The following SEMA6D variants were observed in gnomAD, a reference collection of about 807,000 sequenced individuals.
SEMA6D encodes semaphorin 6D.
SEMA6D carries 35 observed loss-of-function variants against 106.6 expected under a neutral mutation model. The ratio of observed to expected loss-of-function variants is 0.33; its 90% CI spans 0.25 to 0.44. SEMA6D has a LOEUF of 0.44. SEMA6D is among the 20% of genes least tolerant of loss of function. The probability of loss-of-function intolerance (pLI) is 1.00; values close to 1 mark genes in which losing one functional copy is unlikely to be tolerated. For missense variants in SEMA6D, 1,185 were observed against 1,345.9 expected (o/e 0.88, Z 1.87); for synonymous variants, 499 against 487.7 (o/e 1.02, Z -0.31).
At chr15:47,289,393 C>CAAAAAAAAAAA (rs746946975) in intron 1 of SEMA6D, among the ~76,000 whole-genome samples, 1 of 46,556 alleles carries the variant, frequency 2.1e-5, no homozygotes, top group East Asian at 5.7e-4. Flanking sequence ...AACTCCATCT[C>CAAAAAAAAAAA]AAAAAAAAAA....
At chr15:47,343,725 G>A (rs1294113339) in intron 1 of SEMA6D, among the ~76,000 whole-genome samples, 7 of 152,180 alleles carry the variant, frequency 4.6e-5, no homozygotes, top group Admixed American at 6.5e-5. Context: ...ATACGTGTGT[G>A]TGTGTCTTTA....
At chr15:47,688,205 A>G (rs560209425) in intron 4 of SEMA6D, among the ~76,000 whole-genome samples, 21 of 152,326 alleles carry the variant, frequency 1.4e-4, no homozygotes, top group African/African-American at 4.8e-4. Context: ...GTGTTAACCC[A>G]GAATGTATTT....
In SEMA6D at chr15:47,770,742, G is replaced by A. The variant is rs747172273; in HGVS notation, c.2179G>A (p.Glu727Lys). 1 of 1,614,108 alleles carries A rather than the reference G, an allele frequency of 6.2e-7. No homozygotes were observed. The highest frequency in any genetic ancestry group is 1.1e-5 in the South Asian group (1 of 91,080). The change falls in exon 19 of 19, where the codon GAA (glutamate) becomes AAA (lysine). Residue 727 changes from glutamate to lysine, a missense_variant. Transcript: ENST00000536845. Reference sequence around the variant, plus strand: ...TGGTCTCTTTGACAGCCCTGTCAAGGAATACCAACAGAATATTGATTCTCC... The same window carrying A: ...TGGTCTCTTTGACAGCCCTGTCAAGAAATACCAACAGAATATTGATTCTCC... ...LNGLFDSPVK[E>K]YQQNIDSPKL...
At chr15:47,386,812 T>A (rs2039854770) in intron 1 of SEMA6D, among the ~76,000 whole-genome samples, 1 of 152,224 alleles carries the variant, frequency 6.6e-6, no homozygotes, top group Admixed American at 6.5e-5. Flanking sequence ...GGGGCTAGAA[T>A]GGGTTGTTTT....
intron 1 of SEMA6D, among the ~76,000 whole-genome samples, chr15:47,207,527 A>T (rs1199831838): frequency 6.6e-6 from 1 of 152,204 alleles, no homozygotes; most frequent in Non-Finnish European, 1.5e-5. Flanking sequence ...TTTATGAATC[A>T]GGCACAAGTC....
At chr15:47,424,803 T>C (rs930719367) in intron 2 of SEMA6D, among the ~76,000 whole-genome samples, 2 of 152,134 alleles carry the variant, frequency 1.3e-5, no homozygotes, top group Non-Finnish European at 2.9e-5. Context: ...AGCAAAAGCA[T>C]ACAAATTGAT....
intron 1 of SEMA6D, among the ~76,000 whole-genome samples, chr15:47,291,988 A>G (rs779634590): frequency 1.3e-5 from 2 of 152,220 alleles, no homozygotes; most frequent in Non-Finnish European, 2.9e-5. Context: ...TCTCATGTAT[A>G]TGCACATATG....
intron 1 of SEMA6D, among the ~76,000 whole-genome samples, chr15:47,725,246 A>G (rs2079668215): frequency 1.3e-5 from 2 of 152,306 alleles, no homozygotes; most frequent in Non-Finnish European, 2.9e-5. Flanking sequence ...ACTGTAAGCT[A>G]GCAGAGGGAG....
At chr15:47,205,520 T>G (rs143068982) in intron 1 of SEMA6D, among the ~76,000 whole-genome samples, 1 of 152,246 alleles carries the variant, frequency 6.6e-6, no homozygotes, top group African/African-American at 2.4e-5. Context: ...GCCAGACACA[T>G]CAATGTCACT....
At chr15:47,708,421 C>T (rs573546252) in intron 4 of SEMA6D, among the ~76,000 whole-genome samples, 1 of 152,290 alleles carries the variant, frequency 6.6e-6, no homozygotes, top group Admixed American at 6.5e-5. Context: ...TCCAGTGTGA[C>T]TCAGCTTATA....
intron 3 of SEMA6D, among the ~76,000 whole-genome samples, chr15:47,499,319 T>G (rs2043771762): frequency 6.6e-6 from 1 of 152,122 alleles, no homozygotes; most frequent in Non-Finnish European, 1.5e-5. Flanking sequence ...CAGGCTCATT[T>G]AACCAACCTC....
chr15:47,443,998 TG>T (rs536621274), intron 2 of SEMA6D, among the ~76,000 whole-genome samples: 37 of 152,282 alleles, frequency 2.4e-4, no homozygotes, highest in African/African-American at 8.7e-4. Flanking sequence ...CATGGTATCT[TG>T]GGGATGTGGT....
At chr15:47,326,858 C>T (rs2037154180) in intron 1 of SEMA6D, among the ~76,000 whole-genome samples, 1 of 152,184 alleles carries the variant, frequency 6.6e-6, no homozygotes, top group Non-Finnish European at 1.5e-5. Context: ...CACATGACTA[C>T]AGTTAGTAGG....
At chr15:47,423,898 T>C (rs934677248) in intron 2 of SEMA6D, among the ~76,000 whole-genome samples, 3 of 152,174 alleles carry the variant, frequency 2.0e-5, no homozygotes, top group East Asian at 1.9e-4. Context: ...TAAATAATAC[T>C]AAAATCATTT....
chr15:47,431,503 C>T (rs1027700970), intron 2 of SEMA6D, among the ~76,000 whole-genome samples: 1 of 152,080 alleles, frequency 6.6e-6, no homozygotes, highest in African/African-American at 2.4e-5. Flanking sequence ...TTCAACAAAC[C>T]TACATCCTCC....
intron 2 of SEMA6D, among the ~76,000 whole-genome samples, chr15:47,416,845 A>T (rs986638798): frequency 1.3e-5 from 2 of 152,054 alleles, no homozygotes; most frequent in African/African-American, 4.8e-5. Flanking sequence ...ACCCCCTATT[A>T]CTTTGCAGCT....
chr15:47,588,497 A>T (rs1419166560), intron 3 of SEMA6D, among the ~76,000 whole-genome samples: 1 of 152,142 alleles, frequency 6.6e-6, no homozygotes, highest in Admixed American at 6.5e-5. Context: ...AGACTCCGTA[A>T]AAAAAGAGTC....
chr15:47,683,821 A>C (rs1308458146), intron 4 of SEMA6D, among the ~76,000 whole-genome samples: 1 of 152,256 alleles, frequency 6.6e-6, no homozygotes, highest in African/African-American at 2.4e-5. Flanking sequence ...TATTGACTGC[A>C]CAATGGGAAG....
chr15:47,586,047 A>G (rs1381664943), intron 3 of SEMA6D, among the ~76,000 whole-genome samples: 3 of 152,236 alleles, frequency 2.0e-5, no homozygotes, highest in Non-Finnish European at 4.4e-5. Context: ...ACTCACTTCA[A>G]TAAACCTGTT....
Sources: gnomAD v4.1 joint callset for allele counts (sites outside exome capture counted in the v4.1 genomes callset) on GRCh38, gnomAD v4.1.1 for gene constraint, MANE v1.5 for transcripts, NCBI Gene and HGNC (gene_info 2026-07-23, HGNC 2026-07-21) for gene names.